SUPT3H: variants seen among roughly 807,000 people sequenced by gnomAD.
SUPT3H encodes transcription initiation protein SPT3 homolog.
A neutral mutation model predicts 44.3 loss-of-function variants in SUPT3H; 44 were observed. The ratio of observed to expected loss-of-function variants is 0.99; its 90% CI spans 0.78 to 1.28. SUPT3H has a LOEUF of 1.28. Among genes scored for constraint, SUPT3H ranks in the 50% most tolerant of loss-of-function variants. The pLI, the probability that SUPT3H is intolerant of heterozygous loss-of-function variation, is 0.00. For synonymous variants in SUPT3H, 124 were observed against 125.6 expected (o/e 0.99, Z 0.09); for missense variants, 380 against 387.1 (o/e 0.98, Z 0.15).
intron 2 of SUPT3H, among the ~76,000 whole-genome samples, chr6:45,174,449 A>G (rs1293499716): frequency 1.3e-5 from 2 of 152,204 alleles, no homozygotes; most frequent in Admixed American, 6.5e-5. Context: ...TTTCTTTCAA[A>G]TCTATAATCT....
Position 45,120,417 on chromosome 6 carries a change from T to TAAAAAA in SUPT3H, c.102-14417_102-14412dup, listed in dbSNP as rs71687494. Among the ~76,000 whole-genome samples the TAAAAAA allele has an allele frequency of 5.5e-4, 28 of 50,504 alleles. 5 individuals carry two copies. The highest frequency in any genetic ancestry group is 6.7e-4 in the Non-Finnish European group (18 of 26,878). The allele number at this position is 50,504 out of a possible 152,430, so 33.1% of individuals were successfully genotyped here. On this transcript the variant is annotated intron_variant, in intron 2 of 10. Coordinates refer to ENST00000371459, the MANE Select transcript of SUPT3H (RefSeq NM_003599.4). ...CTGGGTAACAGTGTGAGACCTTGTC[T>TAAAAAA]AAAAAAAAAAAAAAAAAAAAAAAAG... is the stretch of plus-strand genomic sequence containing the variant.
intron 2 of SUPT3H, among the ~76,000 whole-genome samples, chr6:45,175,149 T>C (rs1168915599): frequency 6.6e-6 from 1 of 152,064 alleles, no homozygotes; most frequent in African/African-American, 2.4e-5. Context: ...ATAAAAATTA[T>C]TTGTTTGTAT....
At chr6:45,313,666 A>AAT (rs1339278593) in intron 2 of SUPT3H, among the ~76,000 whole-genome samples, 1 of 151,292 alleles carries the variant, frequency 6.6e-6, no homozygotes, top group Non-Finnish European at 1.5e-5. Flanking sequence ...TAAAAAAAAA[A>AAT]AAAAGTCCAC....
At chr6:44,817,161 G>A (rs1009850938) in intron 11 of SUPT3H, among the ~76,000 whole-genome samples, 4 of 149,600 alleles carry the variant, frequency 2.7e-5, no homozygotes, top group Non-Finnish European at 5.9e-5. Flanking sequence ...CATCATGACC[G>A]AATTGCATTT....
intron 2 of SUPT3H, among the ~76,000 whole-genome samples, chr6:45,160,921 G>A (rs1467682117): frequency 6.6e-6 from 1 of 152,094 alleles, no homozygotes; most frequent in Non-Finnish European, 1.5e-5. Flanking sequence ...GATAAAATCT[G>A]CAGTGTTGGA....
intron 2 of SUPT3H, among the ~76,000 whole-genome samples, chr6:45,172,229 C>T (rs753013362): frequency 7.2e-5 from 11 of 151,938 alleles, no homozygotes; most frequent in African/African-American, 1.4e-4. Flanking sequence ...CACGCTACCA[C>T]GCCCAGCTAA....
At chr6:45,274,791 G>C (rs1439143176) in intron 2 of SUPT3H, among the ~76,000 whole-genome samples, 1 of 152,112 alleles carries the variant, frequency 6.6e-6, no homozygotes, top group Non-Finnish European at 1.5e-5. Flanking sequence ...GGCTGAGGTG[G>C]GAGCATCACC....
intron 2 of SUPT3H, among the ~76,000 whole-genome samples, chr6:45,287,456 A>T (rs1779512505): frequency 1.3e-5 from 2 of 152,128 alleles, no homozygotes; most frequent in Admixed American, 6.6e-5. Context: ...ACACACTACA[A>T]TACGGATGAA....
At chr6:45,136,280 T>G (rs1460930306) in intron 2 of SUPT3H, among the ~76,000 whole-genome samples, 1 of 152,188 alleles carries the variant, frequency 6.6e-6, no homozygotes, top group African/African-American at 2.4e-5. Flanking sequence ...AGTGGCTACA[T>G]GTTTGGGTGA....
chr6:44,955,049 A>G (rs1774899871), intron 7 of SUPT3H, among the ~76,000 whole-genome samples: 2 of 152,222 alleles, frequency 1.3e-5, no homozygotes, highest in African/African-American at 4.8e-5. Flanking sequence ...TACAGAAACT[A>G]TTGCTAATAT....
At chr6:45,210,332 T>C (rs1763886353) in intron 2 of SUPT3H, among the ~76,000 whole-genome samples, 1 of 152,202 alleles carries the variant, frequency 6.6e-6, no homozygotes, top group Non-Finnish European at 1.5e-5. Context: ...TCTGTTCACC[T>C]AGGACAAATG....
At chr6:44,958,169 A>T (rs1775493900) in intron 7 of SUPT3H, among the ~76,000 whole-genome samples, 1 of 152,208 alleles carries the variant, frequency 6.6e-6, no homozygotes, top group African/African-American at 2.4e-5. Flanking sequence ...TTAGCATTGT[A>T]ATACTACCTG....
intron 2 of SUPT3H, among the ~76,000 whole-genome samples, chr6:45,203,901 TTC>T (rs1378275865): frequency 1.3e-5 from 2 of 152,152 alleles, no homozygotes; most frequent in Non-Finnish European, 2.9e-5. Context: ...CTACTAATAC[TTC>T]TCTGTCACAG....
intron 9 of SUPT3H, among the ~76,000 whole-genome samples, chr6:44,943,585 T>C (rs1330245989): frequency 6.6e-6 from 1 of 152,116 alleles, no homozygotes; most frequent in Non-Finnish European, 1.5e-5. Context: ...AAACCATGTC[T>C]ATGGATATCA....
chr6:44,861,007 T>C (rs1418508944), intron 10 of SUPT3H, among the ~76,000 whole-genome samples: 1 of 152,132 alleles, frequency 6.6e-6, no homozygotes, highest in Non-Finnish European at 1.5e-5. Flanking sequence ...GAATCAAGAG[T>C]CCTGGGTTCT....
At chr6:45,282,314 C>T (rs1265893886) in intron 2 of SUPT3H, among the ~76,000 whole-genome samples, 4 of 112,520 alleles carry the variant, frequency 3.6e-5, no homozygotes, top group Admixed American at 2.1e-4. Flanking sequence ...TCGAACGCTT[C>T]GCAAAGAAGT....
intron 3 of SUPT3H, among the ~76,000 whole-genome samples, chr6:45,077,337 T>C (rs1440924061): frequency 1.3e-5 from 2 of 151,996 alleles, no homozygotes; most frequent in African/African-American, 4.8e-5. Flanking sequence ...GTTTAAGAAA[T>C]GTTCATAGGC....
intron 10 of SUPT3H, among the ~76,000 whole-genome samples, chr6:44,886,812 C>T (rs2153437952): frequency 6.6e-6 from 1 of 152,250 alleles, no homozygotes; most frequent in South Asian, 2.1e-4. Flanking sequence ...AATTAAAAGA[C>T]ACAGACTGGC....
chr6:45,123,627 T>TAACCTGTGTTA (rs1201428138), intron 2 of SUPT3H, among the ~76,000 whole-genome samples: 2 of 152,176 alleles, frequency 1.3e-5, no homozygotes, highest in Non-Finnish European at 2.9e-5. Context: ...TAATCTATTT[T>TAACCTGTGTTA]AACCTGTGTG....
Sources: allele counts gnomAD v4.1 joint callset (sites outside exome capture counted in the v4.1 genomes callset), GRCh38; gene constraint gnomAD v4.1.1; transcripts MANE v1.5; gene names NCBI Gene and HGNC (gene_info 2026-07-23, HGNC 2026-07-21).